The following DNAH2 variants were observed in gnomAD, a reference collection of about 807,000 sequenced individuals.
The protein encoded by DNAH2 is axonemal beta dynein heavy chain 2.
In DNAH2, 323 loss-of-function variants were observed where a neutral mutation model predicts 523.5. The ratio of observed to expected loss-of-function variants is 0.62; its 90% CI spans 0.56 to 0.68. The LOEUF (loss-of-function observed/expected upper bound fraction) is 0.68. Among genes scored for constraint, DNAH2 ranks in the 30% least tolerant of loss-of-function variants. DNAH2 has a pLI of 0.00. For missense variants in DNAH2, 4,907 were observed against 5,701.5 expected, an observed-to-expected ratio of 0.86 and a Z score of 4.49; for synonymous variants, 2,093 against 2,177.4, an observed-to-expected ratio of 0.96 and a Z score of 1.08.
Position 7,743,033 on chromosome 17 carries a change from T to C in DNAH2, c.1795T>C (p.Phe599Leu), listed in dbSNP as rs1465693397. 6.6e-7 allele frequency: 1 copy of C among 1,526,102 alleles called. No homozygotes were observed. Among genetic ancestry groups the C allele is most frequent in the South Asian group, 1.3e-5 (1 of 75,054 alleles). 94.5% of individuals were successfully genotyped at this position (1,526,102 alleles called of 1,614,324 possible). ...CATTGATGAGCTGGTTCGAAAAACC[T>C]TCCAAGAGTGGACATCAAGTCTGGA... ...QAIDELVRKT[F>L]QEWTSSLDKD... The change falls in exon 12 of 86, where the codon TTC becomes CTC. Residue 599 changes from phenylalanine (F) to leucine (L), a missense_variant. By Grantham distance (22) the Phe-to-Leu change is conservative (BLOSUM62 0). Coordinates refer to ENST00000572933, the MANE Select transcript of DNAH2 (RefSeq NM_020877.5).
rs2076419230 is a variant in DNAH2, at chr17:7,775,333, C to A, written c.4812C>A (p.Gly1604=). 1.2e-6 allele frequency: 2 copies of A among 1,611,098 alleles called. No individual in the cohort carries two copies. Among genetic ancestry groups the A allele is most frequent in the Non-Finnish European group, 1.7e-6 (2 of 1,178,526 alleles). ...IDFLHSVFLE[G]PVESWLGDVE... ...TCCTCCACTCAGTATTTTTAGAAGG[C>A]CCTGTGGAGGTGAGTTGTGGTGAGG... The change falls in exon 30 of 86, where the codon GGC becomes GGA. Residue 1604 remains glycine, a synonymous_variant. Coordinates refer to ENST00000572933, the MANE Select transcript of DNAH2 (RefSeq NM_020877.5).
chr17:7,784,705 C>G (rs991518823), intron 39 of DNAH2, among the ~76,000 whole-genome samples: 1 of 152,174 alleles, frequency 6.6e-6, no homozygotes, highest in Non-Finnish European at 1.5e-5. Flanking sequence ...AGTTTCTGAT[C>G]ACAGTGATAA....
At chr17:7,814,312 T>C (rs568630684) in intron 63 of DNAH2, among the ~76,000 whole-genome samples, 3 of 152,080 alleles carry the variant, frequency 2.0e-5, no homozygotes, top group African/African-American at 7.2e-5. Context: ...TAAAGATATG[T>C]TATAAAGTAT....
At chr17:7,814,936 CCT>C (rs2077618058) in intron 63 of DNAH2, among the ~76,000 whole-genome samples, 1 of 152,200 alleles carries the variant, frequency 6.6e-6, no homozygotes, top group Non-Finnish European at 1.5e-5. Context: ...TTTCCTGTAA[CCT>C]CTTTTATATC....
At position 7,764,111 on chromosome 17, in the gene DNAH2, C is replaced by CT; in HGVS notation, c.3180-4dup. The CT allele has an allele frequency of 6.2e-7, 1 of 1,614,216 alleles. No individual in the cohort carries two copies. Among genetic ancestry groups the CT allele is most frequent in the African/African-American group, 1.3e-5 (1 of 75,052 alleles). On this transcript the variant is annotated splice_polypyrimidine_tract_variant and splice_region_variant and intron_variant, in intron 19 of 85. Coordinates refer to ENST00000572933, the MANE Select transcript of DNAH2 (RefSeq NM_020877.5). ...ACTCACTAGCACTCCCTTTGCCCGC[C>CT]TTCAGAATCAGCCGCCCTCCGCAGA...
chr17:7,824,010 C>T (rs371392771), intron 75 of DNAH2, 28 bp downstream of exon 75: 622 of 1,605,754 alleles, frequency 3.9e-4, no homozygotes, highest in Middle Eastern at 8.3e-4. Context: ...CTTGTCCCCA[C>T]GGCCCATGGG....
At position 7,821,283 on chromosome 17, in the gene DNAH2, T is replaced by C; in HGVS notation, c.11056T>C (p.Phe3686Leu). The C allele has an allele frequency of 1.2e-6, 2 of 1,613,858 alleles. No homozygotes were observed. The highest frequency in any genetic ancestry group is 1.7e-6 in the Non-Finnish European group (2 of 1,179,842). Residue 3686 changes from phenylalanine to leucine, a missense_variant, in exon 73 of 86, where the codon TTC (phenylalanine) becomes CTC (leucine). Physicochemically the swap from Phe to Leu is conservative, Grantham distance 22. This residue lies in a region of DNAH2 where 1,851 missense variants were observed against 2,139.4 expected (regional missense o/e 0.87). Transcript: ENST00000572933. The surrounding 1 kb of genome is among the most constrained non-coding windows in gnomAD (Gnocchi z 5.0). ...RTLFERHKLL[F>L]SFHMCAKILE... ...CCTTTTCGAACGCCACAAACTACTA[T>C]TCAGTTTTCATATGTGTGCCAAAAT...
chr17:7,797,536 C>T lies in DNAH2; in HGVS notation c.8080+6C>T. ...CAAGCGTCCTCCTATCTTTGGTGAG[C>T]CAGGAGCTGTGATGACCTTGGGCTT... On this transcript the variant is annotated splice_donor_region_variant and intron_variant, in intron 52 of 85. Coordinates refer to ENST00000572933, the MANE Select transcript of DNAH2 (RefSeq NM_020877.5). 3 of 1,614,188 alleles carry T rather than the reference C, an allele frequency of 1.9e-6. No homozygotes were observed. The highest frequency in any genetic ancestry group is 2.5e-6 in the Non-Finnish European group (3 of 1,180,036).
chr17:7,756,398 C>G (rs1368499610), intron 12 of DNAH2, among the ~76,000 whole-genome samples: 1 of 151,762 alleles, frequency 6.6e-6, no homozygotes, highest in African/African-American at 2.4e-5. Context: ...AGCTTAGCCT[C>G]CAGAGTAGCT....
rs370412978 is a variant in DNAH2, at chr17:7,733,046, G to C, written c.400-41G>C. 5 of 1,597,536 alleles carry C rather than the reference G, an allele frequency of 3.1e-6. No individual in the cohort carries two copies. In the African/African-American group the frequency reaches 5.4e-5, roughly 17 times the overall value. On this transcript the variant is annotated intron_variant, in intron 4 of 85. Coordinates refer to ENST00000572933, the MANE Select transcript of DNAH2 (RefSeq NM_020877.5). ...GCTTTTGTGACTGGGTGTCATGGCT[G>C]GGCCTGGAGACTGAACTCTGATCTG...
intron 18 of DNAH2, among the ~76,000 whole-genome samples, chr17:7,762,126 C>A (rs1236356096): frequency 6.6e-6 from 1 of 152,086 alleles, no homozygotes. Flanking sequence ...TACCTTGGAA[C>A]CTTGTGAAAT....
chr17:7,754,650 G>A lies in DNAH2; in HGVS notation c.1905-2441G>A. 1 of 1,401,916 alleles carries A rather than the reference G, an allele frequency of 7.1e-7. No individual in the cohort carries two copies. Among genetic ancestry groups the A allele is most frequent in the South Asian group, 1.2e-5 (1 of 86,512 alleles). The allele number at this position is 1,401,916 out of a possible 1,614,324, so 86.8% of individuals were successfully genotyped here. ...GGTTAAGCCCAAGATCCCAAAGGGT[G>A]TCAGCCATAAACTTGATCGACTTGC... On this transcript the variant is annotated intron_variant, in intron 12 of 85. Transcript: ENST00000572933. This position sits in a 1 kb window ranked among gnomAD's most constrained non-coding sequence, Gnocchi z 4.6.
At position 7,817,569 on chromosome 17, in the gene DNAH2, G is replaced by A. The variant is rs976665901; in HGVS notation, c.10029G>A (p.Glu3343=). The A allele has an allele frequency of 6.2e-7, 1 of 1,614,182 alleles. No individual in the cohort carries two copies. The highest frequency in any genetic ancestry group is 8.5e-7 in the Non-Finnish European group (1 of 1,180,016). The change falls in exon 66 of 86, where the codon GAG becomes GAA. Residue 3343 remains glutamate (E), a synonymous_variant. Coordinates refer to ENST00000572933, the MANE Select transcript of DNAH2 (RefSeq NM_020877.5). ...GGCTTTTCTCTCCCCAGATCTGGGA[G>A]CTTCAGGTTCCTTGCTCCCCTTCTT... is the stretch of plus-strand genomic sequence containing the variant. ...VNQIWIGKIW[E]LQVPCSPSFA... is the part of the protein sequence containing the mutation.
Position 7,833,628 on chromosome 17 carries a change from A to C in DNAH2, c.*95A>C. 1 of 1,563,664 alleles carries C rather than the reference A, an allele frequency of 6.4e-7. No homozygotes were observed. Among genetic ancestry groups the C allele is most frequent in the Non-Finnish European group, 8.7e-7 (1 of 1,153,376 alleles). On this transcript the variant is annotated 3_prime_UTR_variant, in exon 86 of 86. Transcript: ENST00000572933. The stretch of plus-strand genomic sequence containing the variant: ...AGGACTGAGGCCGGACCTCACTCAG[A>C]CTTTGACCTTGGCCGAATTTGTGTG...
intron 61 of DNAH2, among the ~76,000 whole-genome samples, chr17:7,806,585 G>A (rs868799198): frequency 6.6e-6 from 1 of 151,254 alleles, no homozygotes; most frequent in Middle Eastern, 3.4e-3. Context: ...TGTGAATCTG[G>A]GAGGCGGAGC....
chr17:7,740,913 T>C lies in DNAH2; in HGVS notation c.1610T>C (p.Leu537Pro). 6.2e-7 allele frequency: 1 copy of C among 1,613,906 alleles called. No individual in the cohort carries two copies. ...NRERNKKWPD[L>P]EPYVAQYSGK... ...GAACGGAACAAGAAATGGCCAGACC[T>C]GGAGCCCTACGTGGCCCAGTATTCC... Residue 537 changes from leucine to proline, a missense_variant, in exon 11 of 86, where the codon CTG (leucine) becomes CCG (proline). Leu to Pro is a moderately conservative substitution (Grantham distance 98). Around this residue, in one of 3 missense-constraint regions of DNAH2, gnomAD observed 2,806 missense variants for 3,190.8 expected, o/e 0.88. Transcript: ENST00000572933.
At chr17:7,805,467 C>A in intron 61 of DNAH2, 74 bp downstream of exon 61, 3 of 1,596,470 alleles carry the variant, frequency 1.9e-6, no homozygotes, top group Non-Finnish European at 2.6e-6. Flanking sequence ...GCAGCAGACA[C>A]TCAGAAAGAT....
At chr17:7,756,238 T>TA (rs1033195420) in intron 12 of DNAH2, among the ~76,000 whole-genome samples, 1 of 151,088 alleles carries the variant, frequency 6.6e-6, no homozygotes, top group Admixed American at 6.6e-5. Flanking sequence ...GGACTCCATC[T>TA]AAAAAAAATT....
intron 36 of DNAH2, 57 bp downstream of exon 36, chr17:7,779,480 G>T: frequency 6.4e-7 from 1 of 1,552,576 alleles, no homozygotes. Flanking sequence ...GTGTTCAGGG[G>T]AAATAACTGC....
Sources: allele counts gnomAD v4.1 joint callset (sites outside exome capture counted in the v4.1 genomes callset), GRCh38; gene constraint gnomAD v4.1.1; regional missense constraint gnomAD v4.1.1; non-coding constraint Gnocchi (gnomAD v3.1); transcripts MANE v1.5; gene names NCBI Gene and HGNC (gene_info 2026-07-23, HGNC 2026-07-21).